Variants in DCP1B observed in about 807,000 individuals in gnomAD.
DCP1B encodes decapping mRNA 1B.
DCP1B carries 47 observed loss-of-function variants against 60.5 expected under a neutral mutation model. That is an observed-to-expected ratio of 0.78 (90% CI 0.61 to 0.99). The LOEUF is 0.99. Ranked by LOEUF, DCP1B falls within the 50% of genes least tolerant of loss-of-function variation. The probability of loss-of-function intolerance (pLI) is 0.00; values close to 1 mark genes in which losing one functional copy is unlikely to be tolerated. For synonymous variants in DCP1B, 267 were observed against 280.3 expected (o/e 0.95, Z 0.47); for missense variants, 725 against 756.8 (o/e 0.96, Z 0.49).
At chr12:1,996,951 C>A (rs1023013081) in intron 2 of DCP1B, among the ~76,000 whole-genome samples, 2 of 152,112 alleles carry the variant, frequency 1.3e-5, no homozygotes, top group African/African-American at 4.8e-5. Context: ...TATATTAGGT[C>A]TTTTAATTTC....
downstream of DCP1B, among the ~76,000 whole-genome samples, chr12:1,945,815 CA>C (rs1354222270): frequency 6.6e-6 from 1 of 152,032 alleles, no homozygotes; most frequent in Non-Finnish European, 1.5e-5. Flanking sequence ...TTCTCACTCA[CA>C]GGTGGGAATT....
chr12:1,992,673 C>T (rs776388466), intron 3 of DCP1B: 26 of 159,314 alleles, frequency 1.6e-4, no homozygotes, highest in Non-Finnish European at 3.2e-4. Context: ...ATGAGAAAGG[C>T]GATGGCTACT....
intron 5 of DCP1B, among the ~76,000 whole-genome samples, chr12:1,959,959 C>CAA (rs34121456): frequency 1.7e-3 from 216 of 125,728 alleles, no homozygotes; most frequent in African/African-American, 5.8e-3. Flanking sequence ...GACTCCGTCT[C>CAA]AAAAAAAAAA....
chr12:2,002,997 T>C (rs868407476), intron 1 of DCP1B, among the ~76,000 whole-genome samples: 4 of 152,194 alleles, frequency 2.6e-5, no homozygotes, highest in Non-Finnish European at 2.9e-5. Flanking sequence ...AGGTACACTT[T>C]CTATTACAGA....
chr12:1,996,035 T>C (rs1376961325), intron 2 of DCP1B, among the ~76,000 whole-genome samples: 1 of 152,230 alleles, frequency 6.6e-6, no homozygotes, highest in Non-Finnish European at 1.5e-5. Context: ...CAATCTTCCA[T>C]GTTCAAAATA....
intron 2 of DCP1B, among the ~76,000 whole-genome samples, chr12:1,995,623 C>A (rs2040612259): frequency 6.6e-6 from 1 of 152,236 alleles, no homozygotes; most frequent in African/African-American, 2.4e-5. Flanking sequence ...ACCTTCCTCC[C>A]CTGCAGCTGA....
At chr12:1,988,164 A>G (rs1180654835) in intron 3 of DCP1B, among the ~76,000 whole-genome samples, 3 of 152,138 alleles carry the variant, frequency 2.0e-5, no homozygotes, top group Admixed American at 2.0e-4. Context: ...CAAAATCTCA[A>G]TGGCTTAGCT....
At chr12:2,002,325 A>G (rs1051874923) in intron 1 of DCP1B, among the ~76,000 whole-genome samples, 2 of 152,202 alleles carry the variant, frequency 1.3e-5, no homozygotes, top group African/African-American at 4.8e-5. Flanking sequence ...CAGTGGTCAT[A>G]ATTAGTTTGC....
chr12:2,004,422 C>T lies in DCP1B; in HGVS notation c.10G>A (p.Val4Met), dbSNP rs778342635. The change falls in exon 1 of 9, where the codon GTG (valine) becomes ATG (methionine). Residue 4 changes from valine (V) to methionine (M), a missense_variant. By Grantham distance (21) the Val-to-Met change is conservative. Transcript: ENST00000280665. Reference sequence around the variant, plus strand: ...TTTCCCACCAGGCCGCCTGCCGCCACGGCTGCCATCTTCCCTCCCTCCCAG... The same window carrying T: ...TTTCCCACCAGGCCGCCTGCCGCCATGGCTGCCATCTTCCCTCCCTCCCAG... MAA[V>M]AAGGLVGKGR... is the part of the protein sequence containing the mutation. The T allele has an allele frequency of 6.8e-6, 11 of 1,609,396 alleles. No individual in the cohort carries two copies. Among genetic ancestry groups the T allele is most frequent in the East Asian group, 4.5e-5 (2 of 44,840 alleles).
chr12:1,988,669 T>C (rs1405344349), intron 3 of DCP1B, among the ~76,000 whole-genome samples: 1 of 152,226 alleles, frequency 6.6e-6, no homozygotes, highest in African/African-American at 2.4e-5. Flanking sequence ...TCAGGAAAAC[T>C]AGGAGTGTGC....
At chr12:1,947,878 G>C (rs772515828) in intron 8 of DCP1B, among the ~76,000 whole-genome samples, 4 of 152,086 alleles carry the variant, frequency 2.6e-5, no homozygotes, top group Non-Finnish European at 4.4e-5. Flanking sequence ...GCTCAGGCTG[G>C]TCTTGAACTC....
intron 3 of DCP1B, among the ~76,000 whole-genome samples, chr12:1,977,341 C>A (rs2034726862): frequency 1.3e-5 from 2 of 152,192 alleles, no homozygotes; most frequent in Admixed American, 1.3e-4. Context: ...CATTCTCCGT[C>A]TCTACCATGA....
At chr12:1,980,719 T>C (rs918073245) in intron 3 of DCP1B, among the ~76,000 whole-genome samples, 1 of 129,678 alleles carries the variant, frequency 7.7e-6, no homozygotes, top group African/African-American at 2.8e-5. Flanking sequence ...TCGTTGCTTC[T>C]ATAAAAATGA....
chr12:1,963,122 T>C (rs1411684660), intron 5 of DCP1B, among the ~76,000 whole-genome samples: 1 of 152,268 alleles, frequency 6.6e-6, no homozygotes, highest in African/African-American at 2.4e-5. Context: ...TGCTGTACAT[T>C]TGACATCTTA....
chr12:1,967,060 C>T (rs1388862567), intron 4 of DCP1B, among the ~76,000 whole-genome samples: 2 of 152,200 alleles, frequency 1.3e-5, no homozygotes, highest in African/African-American at 4.8e-5. Flanking sequence ...AGACTCTTCC[C>T]ATCCCCATAA....
At chr12:1,969,881 T>C (rs1260464085) in intron 3 of DCP1B, among the ~76,000 whole-genome samples, 1 of 152,124 alleles carries the variant, frequency 6.6e-6, no homozygotes, top group African/African-American at 2.4e-5. Context: ...TTGGTTATAG[T>C]GTAAGTTTTC....
intron 3 of DCP1B, chr12:1,991,138 G>A: frequency 4.4e-6 from 2 of 456,176 alleles, no homozygotes; most frequent in South Asian, 3.1e-5. Flanking sequence ...TTGCATCCAT[G>A]TTTAATAGTA....
At chr12:1,944,037 C>T (rs1315754144), downstream of DCP1B, among the ~76,000 whole-genome samples, 1 of 152,122 alleles carries the variant, frequency 6.6e-6, no homozygotes, top group Non-Finnish European at 1.5e-5. Context: ...TTAGAAAACC[C>T]CATCGTCTCA....
chr12:1,952,340 C>T (rs1410044223), intron 7 of DCP1B, 76 bp downstream of exon 7: 4 of 1,319,782 alleles, frequency 3.0e-6, no homozygotes, highest in African/African-American at 1.6e-5. Flanking sequence ...AGCCTGGCTA[C>T]TTTTTTTTTT....
Sources: gnomAD v4.1 joint callset for allele counts (sites outside exome capture counted in the v4.1 genomes callset) on GRCh38, gnomAD v4.1.1 for gene constraint, MANE v1.5 for transcripts, NCBI Gene and HGNC (gene_info 2026-07-23, HGNC 2026-07-21) for gene names.